KIAA1210: variants seen among roughly 807,000 people sequenced by gnomAD.
KIAA1210 encodes the protein acrosomal protein KIAA1210.
Under a neutral mutation model 78.9 loss-of-function variants are expected in KIAA1210, and 48 were observed. The observed-to-expected ratio is 0.61, with a 90% confidence interval of 0.48 to 0.77. KIAA1210 has a LOEUF of 0.77. Ranked by LOEUF, KIAA1210 falls within the 30% of genes least tolerant of loss-of-function variation. The pLI is 0.00. For synonymous variants in KIAA1210, 406 were observed against 404.5 expected (o/e 1.00, Z -0.04); for missense variants, 1,108 against 1,100.0 (o/e 1.01, Z -0.10).
intron 3 of KIAA1210, among the ~76,000 whole-genome samples, chrX:119,115,095 G>T (rs1212918907): frequency 9.0e-6 from 1 of 111,472 alleles, no homozygotes. Context: ...AATGAAAAAA[G>T]CTGATCTCCC....
intron 6 of KIAA1210, among the ~76,000 whole-genome samples, chrX:119,103,191 G>C (rs147985530): frequency 0.018 from 2,048 of 111,457 alleles, 46 homozygotes; most frequent in African/African-American, 0.062. Context: ...ATAAAATTTC[G>C]AAATTGTTTC....
chrX:119,094,355 G>T (rs1039348713), intron 7 of KIAA1210, among the ~76,000 whole-genome samples: 7 of 111,761 alleles, frequency 6.3e-5, no homozygotes, highest in African/African-American at 2.3e-4. Context: ...TATAAATAAG[G>T]TTTTCTGATA....
intron 7 of KIAA1210, 37 bp from the exon 8 acceptor site, chrX:119,093,812 AGTGCT>A: frequency 8.9e-7 from 1 of 1,118,980 alleles, no homozygotes; most frequent in South Asian, 2.0e-5. Flanking sequence ...ATCCTACTGA[AGTGCT>A]TTCCAACCAC....
chrX:119,130,842 G>T (rs995938015), upstream of KIAA1210, among the ~76,000 whole-genome samples: 1 of 111,994 alleles, frequency 8.9e-6, no homozygotes, highest in African/African-American at 3.2e-5. Context: ...GAGGTATCGA[G>T]TCTCGTTATC....
Position 119,081,490 on chromosome X carries a change from G to C in KIAA1210, c.4441C>G (p.Gln1481Glu). ...ATGGCAGGAACTTGCAGTATCTTCT[G>C]AGCTTCAAATCCAACTGGAACCACA... ...KPTKSVGFEA[Q>E]KILQVPAMEK... is the part of the protein sequence containing the mutation. Residue 1481 changes from glutamine (Q) to glutamate (E), a missense_variant, in exon 12 of 12, where the codon CAG becomes GAG. By Grantham distance (29) the Gln-to-Glu change is conservative. This residue lies in a region of KIAA1210 where 245 missense variants were observed against 278.8 expected (regional missense o/e 0.88). Transcript: ENST00000691062. The C allele has an allele frequency of 1.7e-6, 2 of 1,207,486 alleles. No homozygotes were observed. The highest frequency in any genetic ancestry group is 2.2e-6 in the Non-Finnish European group (2 of 893,653).
chrX:119,086,697 A>G lies in KIAA1210; in HGVS notation c.4005T>C (p.Ser1335=), dbSNP rs868837369. Residue 1335 remains serine, a synonymous_variant, in exon 9 of 12, where the codon TCT becomes TCC. Transcript: ENST00000691062. ...ASVPSGPISS[S]VGRGHKIRST... ...TTCTGATTTTATGTCCCCTGCCTAC[A>G]GAGGATGAAATTGGGCCCGAGGGCA... 15 of 1,211,665 alleles carry G rather than the reference A, an allele frequency of 1.2e-5. No individual in the cohort carries two copies. The Middle Eastern group carries it at 3.0e-3, about 241-fold the overall frequency.
rs375401704 is a variant in KIAA1210 at position 119,105,054 on chromosome X, C to G, written c.586G>C (p.Asp196His). The change falls in exon 6 of 12, where the codon GAT becomes CAT. Residue 196 changes from aspartate (D) to histidine (H), a missense_variant. Transcript: ENST00000691062. The stretch of plus-strand genomic sequence containing the variant: ...TTTTGTGGATTCTTAGGTGACTCAT[C>G]ATCGAGAGAGATTTCTACCAAGTTC... ...SKNLVEISLD[D>H]ESPKNPQKKA... 3.1e-5 allele frequency: 38 copies of G among 1,207,584 alleles called. No individual in the cohort carries two copies. The highest frequency in any genetic ancestry group is 3.9e-5 in the Non-Finnish European group (35 of 893,860).
intron 6 of KIAA1210, among the ~76,000 whole-genome samples, chrX:119,100,102 C>T (rs1018432337): frequency 9.1e-6 from 1 of 109,909 alleles, no homozygotes; most frequent in Non-Finnish European, 1.9e-5. Flanking sequence ...CCTAGCAGAT[C>T]GCGAGGTCAG....
Position 119,087,670 on chromosome X carries a change from G to A in KIAA1210, c.3032C>T (p.Pro1011Leu), listed in dbSNP as rs776362608. Residue 1011 changes from proline (P) to leucine (L), a missense_variant, in exon 9 of 12, where the codon CCG becomes CTG. By Grantham distance (98) the Pro-to-Leu change is moderately conservative (BLOSUM62 -3). Around this residue, in one of 5 missense-constraint regions of KIAA1210, gnomAD observed 179 missense variants for 174.1 expected, o/e 1.03. Transcript: ENST00000691062. The part of the protein sequence containing the change: ...MAVEGTSNKS[P>L]IPRRPTQSFV... ...TGACTGGGTCGGACGCCTGGGAATC[G>A]GTGATTTGTTAGAAGTGCCTTCAAC... The A allele has an allele frequency of 2.2e-5, 27 of 1,209,628 alleles. No individual in the cohort carries two copies. In the Admixed American group the frequency reaches 2.8e-4, roughly 13 times the overall value.
intron 2 of KIAA1210, among the ~76,000 whole-genome samples, chrX:119,141,123 C>T (rs1194601435): frequency 2.7e-5 from 3 of 111,612 alleles, no homozygotes. Flanking sequence ...CTCCCAGGAC[C>T]CTTTCCTTTC....
At chrX:119,130,440 G>A (rs1207730394), upstream of KIAA1210, among the ~76,000 whole-genome samples, 1 of 112,741 alleles carries the variant, frequency 8.9e-6, no homozygotes, top group African/African-American at 3.2e-5. Flanking sequence ...AGACCTTTGC[G>A]CATACCTGTT....
In KIAA1210 at chrX:119,081,191, CGGGAGG is replaced by C. The variant is rs2147166566; in HGVS notation, c.*132_*137del. 1 of 430,464 alleles carries C rather than the reference CGGGAGG, an allele frequency of 2.3e-6. No homozygotes were observed. The highest frequency in any genetic ancestry group is 5.4e-5 in the Admixed American group (1 of 18,569). The allele number at this position is 430,464 out of a possible 1,213,427, so 35.5% of individuals were successfully genotyped here. On this transcript the variant is annotated 3_prime_UTR_variant, in exon 12 of 12. Transcript: ENST00000691062. ...CTGAGGCGGGAGAGTGGCGTGAACC[CGGGAGG>C]CGGAGCTTGCAGTGAGCGGAGATCG...
chrX:119,088,494 T>A lies in KIAA1210; in HGVS notation c.2208A>T (p.Arg736Ser), dbSNP rs1368270099. The A allele has an allele frequency of 8.3e-7, 1 of 1,209,478 alleles. No individual in the cohort carries two copies. Among genetic ancestry groups the A allele is most frequent in the Non-Finnish European group, 1.1e-6 (1 of 895,030 alleles). The part of the protein sequence containing the change: ...QNDFMQQLPS[R>S]CPSQPIMNPT... ...GATTCATAATGGGCTGAGAAGGGCA[T>A]CTGGAAGGCAGCTGCTGCATAAAAT... The change falls in exon 9 of 12, where the codon AGA becomes AGT. Residue 736 changes from arginine to serine, a missense_variant. This residue lies in a region of KIAA1210 where 672 missense variants were observed against 607.1 expected (regional missense o/e 1.11). Transcript: ENST00000691062.
chrX:119,084,792 C>A (rs905816912), intron 10 of KIAA1210, among the ~76,000 whole-genome samples: 1 of 112,283 alleles, frequency 8.9e-6, no homozygotes, highest in Admixed American at 9.4e-5. Context: ...CTCCTTATTT[C>A]TCAACCAATT....
At chrX:119,124,732 T>A (rs1045078646) in intron 1 of KIAA1210, among the ~76,000 whole-genome samples, 5 of 110,862 alleles carry the variant, frequency 4.5e-5, no homozygotes, top group Middle Eastern at 4.6e-3. Flanking sequence ...CTACAAAAAT[T>A]TTTTTTAATA....
intron 1 of KIAA1210, among the ~76,000 whole-genome samples, chrX:119,123,943 G>T (rs1276965209): frequency 9.0e-6 from 1 of 111,507 alleles, no homozygotes; most frequent in Non-Finnish European, 1.9e-5. Flanking sequence ...TGGTGGGGGG[G>T]GCGTTGGTAA....
intron 7 of KIAA1210, chrX:119,094,156 C>T (rs1327178741): frequency 1.1e-5 from 8 of 738,180 alleles, no homozygotes; most frequent in African/African-American, 4.2e-5. Flanking sequence ...TGGGATTCTC[C>T]GATTTGCTTC....
intron 2 of KIAA1210, among the ~76,000 whole-genome samples, chrX:119,140,791 A>G (rs1929031629): frequency 8.9e-6 from 1 of 112,122 alleles, no homozygotes; most frequent in South Asian, 3.7e-4. Flanking sequence ...AAAATAGGGC[A>G]TGGCTGGGCA....
At chrX:119,150,664 C>T, upstream of KIAA1210, 1 of 1,004,953 alleles carries the variant, frequency 1.0e-6, no homozygotes, top group East Asian at 3.0e-5. Flanking sequence ...CGCTGCTGAG[C>T]TTTCCCACTC....
Sources: allele counts gnomAD v4.1 joint callset (sites outside exome capture counted in the v4.1 genomes callset), GRCh38; gene constraint gnomAD v4.1.1; regional missense constraint gnomAD v4.1.1; transcripts MANE v1.5; gene names NCBI Gene and HGNC (gene_info 2026-07-23, HGNC 2026-07-21).